The following ACOT11 variants were observed in gnomAD, a reference collection of about 807,000 sequenced individuals.
ACOT11 encodes the protein acyl-CoA thioesterase 11, also known as acyl-coenzyme A thioesterase 11.
ACOT11 carries 69 observed loss-of-function variants against 77.5 expected under a neutral mutation model. The observed-to-expected ratio is 0.89, with a 90% confidence interval of 0.73 to 1.09. ACOT11 has a LOEUF of 1.09. Among genes scored for constraint, ACOT11 ranks in the 50% least tolerant of loss-of-function variants. The probability of loss-of-function intolerance (pLI) is 0.00; values close to 1 mark genes in which losing one functional copy is unlikely to be tolerated. For missense variants in ACOT11, 766 were observed against 813.7 expected (o/e 0.94, Z 0.71); for synonymous variants, 279 against 313.0 (o/e 0.89, Z 1.15).
chr1:54,573,757 C>T (rs1414247985), intron 1 of ACOT11, among the ~76,000 whole-genome samples: 2 of 151,920 alleles, frequency 1.3e-5, no homozygotes, highest in South Asian at 2.1e-4. Context: ...TGTGGCTGGG[C>T]GGTGACTCAC....
chr1:54,604,440 C>G lies in ACOT11; in HGVS notation c.1236+11C>G. On this transcript the variant is annotated intron_variant, in intron 12 of 15. Coordinates refer to ENST00000343744, the MANE Select transcript of ACOT11 (RefSeq NM_147161.4). Reference sequence around the variant, plus strand: ...TCGGAGATCAGTCAGGTAGCTGACCCCACCCACCCAATTTTCCTTTCTCAT... The same window carrying G: ...TCGGAGATCAGTCAGGTAGCTGACCGCACCCACCCAATTTTCCTTTCTCAT... 1 of 1,613,200 alleles carries G rather than the reference C, an allele frequency of 6.2e-7. No individual in the cohort carries two copies. The highest frequency in any genetic ancestry group is 8.5e-7 in the Non-Finnish European group (1 of 1,179,366).
downstream of ACOT11, chr1:54,611,734 G>T: frequency 6.2e-7 from 1 of 1,614,106 alleles, no homozygotes; most frequent in Non-Finnish European, 8.5e-7. Context: ...CTGCCACAGC[G>T]TCAGGCTGTA....
chr1:54,603,918 C>T lies in ACOT11; in HGVS notation c.1133C>T (p.Pro378Leu), dbSNP rs976824842. The T allele has an allele frequency of 2.5e-6, 4 of 1,614,006 alleles. No individual in the cohort carries two copies. The highest frequency in any genetic ancestry group is 3.3e-5 in the Admixed American group (2 of 59,996). Residue 378 changes from proline (P) to leucine (L), a missense_variant, in exon 11 of 16, where the codon CCC (proline) becomes CTC (leucine). Coordinates refer to ENST00000343744, the MANE Select transcript of ACOT11 (RefSeq NM_147161.4). ...CKQTEVPLSV[P>L]WDPSNQVYLS... ...CAGACAGAGGTGCCCCTCTCCGTCC[C>T]CTGGGACCCTAGCAACCAGGTAAGG...
intron 8 of ACOT11, 98 bp from the exon 9 acceptor site, chr1:54,601,171 G>A (rs1377916523): frequency 2.5e-5 from 35 of 1,419,072 alleles, no homozygotes; most frequent in South Asian, 9.0e-5. Flanking sequence ...GTGTGTGGGC[G>A]CATGTGTGCA....
At chr1:54,596,344 C>G (rs1654896830) in intron 6 of ACOT11, among the ~76,000 whole-genome samples, 1 of 152,070 alleles carries the variant, frequency 6.6e-6, no homozygotes. Context: ...TTGATGGACC[C>G]TCCCTGAAGA....
chr1:54,589,022 A>ATATTTATT (rs35332520), intron 3 of ACOT11, among the ~76,000 whole-genome samples: 1 of 151,794 alleles, frequency 6.6e-6, no homozygotes, highest in African/African-American at 2.4e-5. Flanking sequence ...AACTCTTTTT[A>ATATTTATT]TATTTATTTA....
chr1:54,631,393 T>G (rs540199577), intron 16 of ACOT11, among the ~76,000 whole-genome samples: 1 of 152,300 alleles, frequency 6.6e-6, no homozygotes, highest in South Asian at 2.1e-4. Flanking sequence ...AGGTTCTCCT[T>G]TAGTAATTGG....
rs34148246 is a variant in ACOT11 at position 54,604,416 on chromosome 1, C to T, written c.1223C>T (p.Ser408Leu). ...LVAKDNWVLSSEISQVRLYTL... is the reference protein window; with the variant it reads ...LVAKDNWVLSLEISQVRLYTL... ...GCCAAGGACAACTGGGTGCTGTCCT[C>T]GGAGATCAGTCAGGTAGCTGACCCC... The change falls in exon 12 of 16, where the codon TCG (serine) becomes TTG (leucine). Residue 408 changes from serine (S) to leucine (L), a missense_variant. Coordinates refer to ENST00000343744, the MANE Select transcript of ACOT11 (RefSeq NM_147161.4). 4.8e-3 allele frequency: 7,704 copies of T among 1,613,938 alleles called. 28 individuals carry two copies. Among genetic ancestry groups the T allele is most frequent in the Non-Finnish European group, 5.0e-3 (5,853 of 1,179,972 alleles).
At chr1:54,605,311 T>G in intron 13 of ACOT11, 102 bp downstream of exon 13, 6 of 1,388,452 alleles carry the variant, frequency 4.3e-6, no homozygotes, top group African/African-American at 1.4e-5. Flanking sequence ...TCTGCCCTGC[T>G]GGGGCTGGGG....
At chr1:54,562,829 C>A (rs1254437589) in intron 1 of ACOT11, among the ~76,000 whole-genome samples, 1 of 112,630 alleles carries the variant, frequency 8.9e-6, no homozygotes, top group African/African-American at 3.5e-5. Context: ...CAGAGACGCT[C>A]CTCACTTCCT....
At chr1:54,628,600 C>A (rs141481354) in intron 15 of ACOT11, among the ~76,000 whole-genome samples, 4 of 123,120 alleles carry the variant, frequency 3.2e-5, no homozygotes, top group South Asian at 2.9e-4. Context: ...ATCGCCCCCC[C>A]CCCCCAAAAA....
At chr1:54,548,430 C>T in intron 1 of ACOT11, 88 bp downstream of exon 1, 4 of 1,447,830 alleles carry the variant, frequency 2.8e-6, no homozygotes, top group Non-Finnish European at 3.8e-6. Context: ...CTCAGACGCT[C>T]TGCATCTCCT....
At chr1:54,631,463 C>G (rs183466474) in intron 16 of ACOT11, among the ~76,000 whole-genome samples, 2 of 152,312 alleles carry the variant, frequency 1.3e-5, no homozygotes, top group East Asian at 3.9e-4. Flanking sequence ...GACGCTCTTA[C>G]TTGAGCTTGT....
At chr1:54,556,425 A>G (rs563540379) in intron 1 of ACOT11, among the ~76,000 whole-genome samples, 1 of 152,284 alleles carries the variant, frequency 6.6e-6, no homozygotes, top group East Asian at 1.9e-4. Context: ...GTTTCTGTGA[A>G]GAATGTCATT....
At chr1:54,621,256 C>T (rs1043778898) in intron 15 of ACOT11, among the ~76,000 whole-genome samples, 1 of 150,492 alleles carries the variant, frequency 6.6e-6, no homozygotes, top group African/African-American at 2.4e-5. Flanking sequence ...CAGGAGTTCA[C>T]GATCAGCCTG....
At chr1:54,635,520 T>C (rs944469275) in exon 17 of ACOT11, 1 of 197,506 alleles carries the variant, frequency 5.1e-6, no homozygotes, top group Non-Finnish European at 1.0e-5. Flanking sequence ...CTCTACAAAC[T>C]TGTTTTTGGA....
intron 3 of ACOT11, among the ~76,000 whole-genome samples, chr1:54,587,004 A>G (rs992437038): frequency 2.0e-5 from 3 of 152,152 alleles, no homozygotes; most frequent in Non-Finnish European, 2.9e-5. Flanking sequence ...ACCATTAAGG[A>G]AGAAGATTGG....
rs186785371 is a variant in ACOT11, at chr1:54,597,520, G to C, written c.764+105G>C. 6,287 of 1,357,954 alleles carry C rather than the reference G, an allele frequency of 4.6e-3. 102 individuals are homozygous for C. The Admixed American group carries it at 0.058, about 12-fold the overall frequency. The allele number at this position is 1,357,954 out of a possible 1,614,324, so 84.1% of individuals were successfully genotyped here. A position where few individuals can be genotyped will look rare whatever the true frequency, so the allele number is the denominator to read the frequency against. On this transcript the variant is annotated intron_variant, in intron 7 of 15. Coordinates refer to ENST00000343744, the MANE Select transcript of ACOT11 (RefSeq NM_147161.4). ...CCCCAGCTTGGGGTTGGCATTCAAG[G>C]CTTCAGAAGCTTGGCTGTTCTGAAT...
Position 54,607,888 on chromosome 1 carries a change from C to A in ACOT11, c.1503-54C>A, listed in dbSNP as rs1200966798. On this transcript the variant is annotated intron_variant, in intron 14 of 15. Coordinates refer to ENST00000343744, the MANE Select transcript of ACOT11 (RefSeq NM_147161.4). This position sits in a 1 kb window ranked among gnomAD's most constrained non-coding sequence, Gnocchi z 4.5. ...CGGCCTTGGTTGGGCAGAACAGGCC[C>A]CCACTTTCTTCTGTGGCTGACCCCT... The A allele has an allele frequency of 6.2e-7, 1 of 1,608,380 alleles. No individual in the cohort carries two copies. The highest frequency in any genetic ancestry group is 1.7e-5 in the Admixed American group (1 of 59,482).
Sources: gnomAD v4.1 joint callset for allele counts (sites outside exome capture counted in the v4.1 genomes callset) on GRCh38, gnomAD v4.1.1 for gene constraint, Gnocchi (gnomAD v3.1) non-coding constraint, MANE v1.5 for transcripts, NCBI Gene and HGNC (gene_info 2026-07-23, HGNC 2026-07-21) for gene names.